SGCZ: variants seen among roughly 807,000 people sequenced by gnomAD.
SGCZ encodes zeta-sarcoglycan.
Under a neutral mutation model 41.3 loss-of-function variants are expected in SGCZ, and 40 were observed. That is an observed-to-expected ratio of 0.97 (90% CI 0.75 to 1.26). The LOEUF (loss-of-function observed/expected upper bound fraction) is 1.26, where lower values mean the gene tolerates loss of function less well. Among genes scored for constraint, SGCZ ranks in the 50% most tolerant of loss-of-function variants. The pLI is 0.00. For synonymous variants in SGCZ, 206 were observed against 137.5 expected, an observed-to-expected ratio of 1.50 and a Z score of -3.49; for missense variants, 552 against 369.8, an observed-to-expected ratio of 1.49 and a Z score of -4.04.
At chr8:14,702,939 A>G (rs541648211) in intron 1 of SGCZ, among the ~76,000 whole-genome samples, 103 of 123,238 alleles carry the variant, frequency 8.4e-4, no homozygotes, top group African/African-American at 3.0e-3. Context: ...ATAGATAGAT[A>G]GATAGATAGA....
intron 2 of SGCZ, among the ~76,000 whole-genome samples, chr8:14,419,016 G>C (rs966752659): frequency 1.3e-5 from 2 of 151,888 alleles, no homozygotes; most frequent in African/African-American, 4.8e-5. Flanking sequence ...TCTCACCTGT[G>C]TGTTAATATT....
At chr8:14,164,219 C>A (rs949838360) in intron 5 of SGCZ, among the ~76,000 whole-genome samples, 1 of 151,858 alleles carries the variant, frequency 6.6e-6, no homozygotes, top group Non-Finnish European at 1.5e-5. Context: ...TTAAAATTTC[C>A]ATTTTAGTTC....
intron 3 of SGCZ, among the ~76,000 whole-genome samples, chr8:14,266,245 A>G (rs1041463373): frequency 2.6e-5 from 4 of 152,126 alleles, no homozygotes; most frequent in Non-Finnish European, 4.4e-5. Flanking sequence ...ATGATCCATT[A>G]CTATGGGGCA....
rs144689937 is a variant in SGCZ, at chr8:14,305,599, T to C, written c.336+18504A>G. Among the ~76,000 whole-genome samples, 1,183 of 152,320 alleles carry C rather than the reference T, an allele frequency of 7.8e-3. 11 individuals are homozygous for C. Among genetic ancestry groups the C allele is most frequent in the Non-Finnish European group, 8.1e-3 (553 of 68,028 alleles). ...ATGCATACAATCATAGTTCAGTCTG[T>C]CAGAGAGAGTGTTATTACTAAACTA... On this transcript the variant is annotated intron_variant, in intron 3 of 7. Coordinates refer to ENST00000382080, the MANE Select transcript of SGCZ (RefSeq NM_139167.4).
intron 1 of SGCZ, among the ~76,000 whole-genome samples, chr8:14,986,291 C>G (rs1220123176): frequency 6.6e-6 from 1 of 152,032 alleles, no homozygotes; most frequent in African/African-American, 2.4e-5. Context: ...ATATAGCAAA[C>G]TGGTAATTAC....
At chr8:14,915,362 G>T (rs2130782913) in intron 1 of SGCZ, among the ~76,000 whole-genome samples, 1 of 152,182 alleles carries the variant, frequency 6.6e-6, no homozygotes, top group East Asian at 1.9e-4. Flanking sequence ...GAAAGTAAGG[G>T]ACTAGGAGTC....
rs902648895 is a variant in SGCZ, at chr8:14,512,220, A to C, written c.234+42512T>G. Among the ~76,000 whole-genome samples, 208 of 152,246 alleles carry C rather than the reference A, an allele frequency of 1.4e-3. 6 individuals are homozygous for C. The highest frequency in any genetic ancestry group is 0.014 in the Admixed American group (207 of 15,270). On this transcript the variant is annotated intron_variant, in intron 2 of 7. Transcript: ENST00000382080. Reference sequence around the variant, plus strand: ...AACCTGATGGTGGGCCTTAAAAGGAAGACGCTGAAGTGCCTATTAACATAA... The same window carrying C: ...AACCTGATGGTGGGCCTTAAAAGGACGACGCTGAAGTGCCTATTAACATAA...
At chr8:14,940,258 T>G (rs1020511014) in intron 1 of SGCZ, among the ~76,000 whole-genome samples, 1 of 152,146 alleles carries the variant, frequency 6.6e-6, no homozygotes, top group African/African-American at 2.4e-5. Context: ...TGCCCACATT[T>G]AACTATAGCT....
At chr8:14,651,211 A>G (rs1336708772) in intron 1 of SGCZ, among the ~76,000 whole-genome samples, 1 of 151,800 alleles carries the variant, frequency 6.6e-6, no homozygotes, top group Non-Finnish European at 1.5e-5. Flanking sequence ...ATCAGATATG[A>G]AAAAGTAGAT....
intron 1 of SGCZ, among the ~76,000 whole-genome samples, chr8:15,062,063 A>T (rs1388554358): frequency 6.6e-6 from 1 of 152,310 alleles, no homozygotes; most frequent in Non-Finnish European, 1.5e-5. Flanking sequence ...TCTACTCTTC[A>T]ACTTTAGTTG....
rs552314101 is a variant in SGCZ at position 14,220,158 on chromosome 8, C to G, written c.424+17434G>C. On this transcript the variant is annotated intron_variant, in intron 4 of 7. Transcript: ENST00000382080. ...ATATAAACGTACACCAAAAGGGAGG[C>G]AGAAGAATGGCTTTTTGTGACACTA... Among the ~76,000 whole-genome samples, 6 of 152,138 alleles carry G rather than the reference C, an allele frequency of 3.9e-5. No homozygotes were observed. In the South Asian group the frequency reaches 1.2e-3, roughly 32 times the overall value.
intron 1 of SGCZ, among the ~76,000 whole-genome samples, chr8:15,233,439 C>G (rs1802022428): frequency 6.6e-6 from 1 of 151,538 alleles, no homozygotes. Context: ...TTTAAGACCT[C>G]AGCATTTTTT....
At chr8:14,153,927 A>ACG (rs1803794409) in intron 5 of SGCZ, among the ~76,000 whole-genome samples, 2 of 128,496 alleles carry the variant, frequency 1.6e-5, no homozygotes, top group African/African-American at 6.0e-5. Flanking sequence ...TCTCTCTCAC[A>ACG]CACACACACA....
At chr8:14,570,789 G>A (rs1365017628) in intron 1 of SGCZ, among the ~76,000 whole-genome samples, 7 of 151,964 alleles carry the variant, frequency 4.6e-5, no homozygotes, top group Non-Finnish European at 8.8e-5. Flanking sequence ...ACCCCTATCT[G>A]CCTCTTATTT....
chr8:15,126,951 G>C (rs1204813532), intron 1 of SGCZ, among the ~76,000 whole-genome samples: 1 of 152,152 alleles, frequency 6.6e-6, no homozygotes, highest in African/African-American at 2.4e-5. Flanking sequence ...GGTCTAAAGA[G>C]ACAGCCCTTC....
chr8:14,086,997 G>GGTAA lies in SGCZ; in HGVS notation c.*3442_*3445dup. On this transcript the variant is annotated 3_prime_UTR_variant, in exon 8 of 8. Transcript: ENST00000382080. Reference sequence around the variant, plus strand: ...CGTAATTAAATATATGTCTTAAGTAGGTAAGTTCACATGACTAGCCAGGGG... The same window carrying GGTAA: ...CGTAATTAAATATATGTCTTAAGTAGGTAAGTAAGTTCACATGACTAGCCAGGGG... Among the ~76,000 whole-genome samples the GGTAA allele has an allele frequency of 6.6e-6, 1 of 151,722 alleles. No individual in the cohort carries two copies. Among genetic ancestry groups the GGTAA allele is most frequent in the African/African-American group, 2.4e-5 (1 of 41,496 alleles).
At chr8:14,981,133 T>C (rs1801650637) in intron 1 of SGCZ, among the ~76,000 whole-genome samples, 1 of 152,168 alleles carries the variant, frequency 6.6e-6, no homozygotes, top group Admixed American at 6.5e-5. Context: ...CACATTCCCT[T>C]AGCCTTTCAC....
intron 1 of SGCZ, among the ~76,000 whole-genome samples, chr8:14,992,824 C>G (rs190685644): frequency 2.0e-5 from 3 of 148,284 alleles, no homozygotes; most frequent in African/African-American, 7.5e-5. Flanking sequence ...TTACCCCTCC[C>G]CCATCCTCCT....
intron 2 of SGCZ, among the ~76,000 whole-genome samples, chr8:14,360,979 A>G (rs753902674): frequency 6.6e-6 from 1 of 152,162 alleles, no homozygotes; most frequent in African/African-American, 2.4e-5. Context: ...TTATATTAGC[A>G]TTCTGATACC....
Sources: gnomAD v4.1 joint callset for allele counts (sites outside exome capture counted in the v4.1 genomes callset) on GRCh38, gnomAD v4.1.1 for gene constraint, MANE v1.5 for transcripts, NCBI Gene and HGNC (gene_info 2026-07-23, HGNC 2026-07-21) for gene names.